The following MBD5 variants were observed in gnomAD, a reference collection of about 807,000 sequenced individuals.
MBD5 encodes methyl-CpG binding domain protein 5.
A neutral mutation model predicts 117.3 loss-of-function variants in MBD5; 13 were observed. That is an observed-to-expected ratio of 0.11 (90% CI 0.07 to 0.18). The LOEUF is 0.18. Ranked by LOEUF, MBD5 falls within the 10% of genes least tolerant of loss-of-function variation. The pLI, the probability that MBD5 is intolerant of heterozygous loss-of-function variation, is 1.00. For missense variants in MBD5, 1,879 were observed against 2,093.8 expected, an observed-to-expected ratio of 0.90 and a Z score of 2.00; for synonymous variants, 727 against 766.4, an observed-to-expected ratio of 0.95 and a Z score of 0.85.
chr2:148,097,336 C>T (rs1029632289), intron 1 of MBD5, among the ~76,000 whole-genome samples: 2 of 152,100 alleles, frequency 1.3e-5, no homozygotes, highest in South Asian at 2.1e-4. Context: ...AGTTTCTCAA[C>T]GCCTTCTATG....
At chr2:148,330,154 A>T (rs2105042030) in intron 3 of MBD5, among the ~76,000 whole-genome samples, 1 of 149,466 alleles carries the variant, frequency 6.7e-6, no homozygotes, top group South Asian at 2.2e-4. Flanking sequence ...GGTGGGTCAT[A>T]GGATGAAATG....
chr2:148,246,376 C>G (rs889244245), intron 3 of MBD5, among the ~76,000 whole-genome samples: 11 of 152,250 alleles, frequency 7.2e-5, no homozygotes, highest in South Asian at 2.1e-4. Flanking sequence ...TGGCCTTACT[C>G]TCTTCTCCTT....
intron 1 of MBD5, among the ~76,000 whole-genome samples, chr2:148,125,196 T>C (rs950004129): frequency 2.6e-5 from 4 of 152,078 alleles, no homozygotes; most frequent in Admixed American, 1.3e-4. Flanking sequence ...CTTTGCTGTA[T>C]ATTATTCTGT....
intron 2 of MBD5, among the ~76,000 whole-genome samples, chr2:148,226,268 C>T (rs998275576): frequency 1.3e-5 from 2 of 152,122 alleles, no homozygotes; most frequent in African/African-American, 2.4e-5. Flanking sequence ...CCCCTCTCTC[C>T]CCACCCACAA....
intron 4 of MBD5, among the ~76,000 whole-genome samples, chr2:148,404,981 A>T (rs954073834): frequency 2.0e-5 from 3 of 152,190 alleles, no homozygotes; most frequent in Non-Finnish European, 4.4e-5. Flanking sequence ...TTCTGAACAT[A>T]ACTTTAAAGA....
At chr2:148,352,279 C>T (rs1053667219) in intron 4 of MBD5, among the ~76,000 whole-genome samples, 7 of 151,942 alleles carry the variant, frequency 4.6e-5, no homozygotes, top group African/African-American at 1.5e-4. Flanking sequence ...TTTTATAATA[C>T]GTACCAGCTT....
At chr2:148,336,795 G>C (rs544369329) in intron 3 of MBD5, among the ~76,000 whole-genome samples, 1 of 152,260 alleles carries the variant, frequency 6.6e-6, no homozygotes, top group Admixed American at 6.5e-5. Flanking sequence ...GCTGGCCTCT[G>C]TTGAGTAACT....
chr2:148,095,036 T>C (rs758909860), intron 1 of MBD5, among the ~76,000 whole-genome samples: 16 of 152,100 alleles, frequency 1.1e-4, no homozygotes, highest in Non-Finnish European at 2.2e-4. Flanking sequence ...GCTAGCAGGG[T>C]ATAAATAATA....
At chr2:148,464,640 A>C (rs948677744) in intron 7 of MBD5, among the ~76,000 whole-genome samples, 1 of 151,956 alleles carries the variant, frequency 6.6e-6, no homozygotes, top group African/African-American at 2.4e-5. Flanking sequence ...CAATTGTCCT[A>C]ACAGTGTCTC....
At chr2:148,273,815 C>T (rs1701040112) in intron 3 of MBD5, among the ~76,000 whole-genome samples, 1 of 152,170 alleles carries the variant, frequency 6.6e-6, no homozygotes, top group Admixed American at 6.5e-5. Context: ...TTTTGGGCAG[C>T]AGGGAAGAAC....
chr2:148,505,221 A>G (rs1681994314), intron 12 of MBD5, among the ~76,000 whole-genome samples: 1 of 152,222 alleles, frequency 6.6e-6, no homozygotes, highest in Admixed American at 6.5e-5. Flanking sequence ...GGTAGGTTGT[A>G]GAAACACTGA....
chr2:148,072,548 T>C (rs1695388183), intron 1 of MBD5, among the ~76,000 whole-genome samples: 1 of 152,180 alleles, frequency 6.6e-6, no homozygotes, highest in Non-Finnish European at 1.5e-5. Context: ...AGAACATATA[T>C]ACCAACCAAA....
chr2:148,206,727 A>G (rs1699291458), intron 2 of MBD5, among the ~76,000 whole-genome samples: 1 of 152,360 alleles, frequency 6.6e-6, no homozygotes. Context: ...ATGTCAAAAC[A>G]TAAAGATGAA....
intron 8 of MBD5, chr2:148,472,045 T>C (rs1416561034): frequency 2.0e-5 from 3 of 152,120 alleles, no homozygotes; most frequent in Non-Finnish European, 4.4e-5. Flanking sequence ...CTCAGTTTAC[T>C]TCATTTCAGG....
chr2:148,396,935 G>C (rs12465493), intron 4 of MBD5, among the ~76,000 whole-genome samples: 77,527 of 151,774 alleles, frequency 0.51, 20,077 homozygotes, highest in East Asian at 0.75. Context: ...ACTTTTGAGC[G>C]TACTGTCTTT....
chr2:148,161,460 A>G (rs1203092482), intron 1 of MBD5, among the ~76,000 whole-genome samples: 5 of 152,234 alleles, frequency 3.3e-5, no homozygotes, highest in Non-Finnish European at 7.3e-5. Flanking sequence ...GAAGCTTAAT[A>G]AGAAAAATCT....
At chr2:148,048,482 G>T (rs1190578486) in intron 1 of MBD5, among the ~76,000 whole-genome samples, 1 of 152,130 alleles carries the variant, frequency 6.6e-6, no homozygotes, top group African/African-American at 2.4e-5. Context: ...AAATGCTTTA[G>T]TGGAGAGTTT....
chr2:148,410,461 A>G (rs1705216436), intron 4 of MBD5, among the ~76,000 whole-genome samples: 1 of 151,886 alleles, frequency 6.6e-6, no homozygotes, highest in East Asian at 1.9e-4. Flanking sequence ...AGAGGGTCTC[A>G]CTCTTTCACC....
intron 4 of MBD5, among the ~76,000 whole-genome samples, chr2:148,415,908 C>G (rs1705402846): frequency 6.6e-6 from 1 of 152,184 alleles, no homozygotes; most frequent in South Asian, 2.1e-4. Context: ...ATTTCAACTT[C>G]TCCTGAATCT....
Sources: gnomAD v4.1 joint callset for allele counts (sites outside exome capture counted in the v4.1 genomes callset) on GRCh38, gnomAD v4.1.1 for gene constraint, MANE v1.5 for transcripts, NCBI Gene and HGNC (gene_info 2026-07-23, HGNC 2026-07-21) for gene names.